The following FAM114A1 variants were observed in gnomAD, a reference collection of about 807,000 sequenced individuals.
FAM114A1 encodes the protein family with sequence similarity 114 member A1, also known as protein NOXP20.
FAM114A1 carries 62 observed loss-of-function variants against 64.3 expected under a neutral mutation model. That is an observed-to-expected ratio of 0.96 (90% CI 0.79 to 1.19). The LOEUF (loss-of-function observed/expected upper bound fraction) is 1.19, where lower values mean the gene tolerates loss of function less well. Ranked by LOEUF, FAM114A1 falls within the 50% of genes most tolerant of loss-of-function variation. The pLI is 0.00. For synonymous variants in FAM114A1, 254 were observed against 251.1 expected, an observed-to-expected ratio of 1.01 and a Z score of -0.11; for missense variants, 645 against 676.3, an observed-to-expected ratio of 0.95 and a Z score of 0.51.
intron 9 of FAM114A1, among the ~76,000 whole-genome samples, chr4:38,927,360 G>T (rs1720218665): frequency 6.6e-6 from 1 of 152,198 alleles, no homozygotes; most frequent in Non-Finnish European, 1.5e-5. Flanking sequence ...GAGGTCTCCT[G>T]ATCTCTGGTT....
chr4:38,876,766 A>G (rs59944943), intron 2 of FAM114A1, among the ~76,000 whole-genome samples: 41,752 of 152,098 alleles, frequency 0.27, 6,106 homozygotes, highest in African/African-American at 0.31. Flanking sequence ...TGGCAGCCTG[A>G]TTCCTTCTAG....
At chr4:38,939,174 A>G (rs1721372941) in intron 13 of FAM114A1, among the ~76,000 whole-genome samples, 1 of 152,170 alleles carries the variant, frequency 6.6e-6, no homozygotes, top group South Asian at 2.1e-4. Flanking sequence ...ACTTTCATAT[A>G]TATTTATATG....
At chr4:38,890,401 C>CAAAA (rs3067630) in intron 3 of FAM114A1, among the ~76,000 whole-genome samples, 85 of 127,512 alleles carry the variant, frequency 6.7e-4, no homozygotes, top group African/African-American at 2.5e-3. Flanking sequence ...GACTCCGTCT[C>CAAAA]AAAAAAAAAA....
chr4:38,936,548 ATTTTTTTTTTTT>A (rs761417840), intron 13 of FAM114A1, among the ~76,000 whole-genome samples: 1 of 110,292 alleles, frequency 9.1e-6, no homozygotes, highest in African/African-American at 3.6e-5. Flanking sequence ...AAGAGTTTTC[ATTTTTTTTTTTT>A]TTTTTTTTTT....
intron 2 of FAM114A1, among the ~76,000 whole-genome samples, 152 bp from the exon 3 acceptor site, chr4:38,877,919 A>G (rs142895065): frequency 0.27 from 40,809 of 150,130 alleles, 5,909 homozygotes; most frequent in African/African-American, 0.31. Flanking sequence ...AGCTGAGATC[A>G]TGCCATTGCA....
At chr4:38,932,214 G>T in intron 11 of FAM114A1, 21 bp from the exon 12 acceptor site, 1 of 1,574,792 alleles carries the variant, frequency 6.4e-7, no homozygotes, top group Non-Finnish European at 8.6e-7. Context: ...AAAATTTCTT[G>T]CTTGTGTCTA....
At position 38,934,798 on chromosome 4, in the gene FAM114A1, A is replaced by G. The variant is rs1215825571; in HGVS notation, c.1464-920A>G. Among the ~76,000 whole-genome samples, 4 of 152,226 alleles carry G rather than the reference A, an allele frequency of 2.6e-5. No homozygotes were observed. In the East Asian group the frequency reaches 7.7e-4, roughly 29 times the overall value. ...TATCAGTATTAAAAACACATTCTAC[A>G]TATTCTACAGGATCTTTATTTTGAA... On this transcript the variant is annotated intron_variant, in intron 12 of 14. Coordinates refer to ENST00000358869, the MANE Select transcript of FAM114A1 (RefSeq NM_138389.4).
At chr4:38,875,563 C>A (rs1714531536) in intron 2 of FAM114A1, among the ~76,000 whole-genome samples, 1 of 152,028 alleles carries the variant, frequency 6.6e-6, no homozygotes, top group African/African-American at 2.4e-5. Flanking sequence ...GATCTAGGAG[C>A]CTTTGGGCAG....
chr4:38,882,386 T>C (rs1281058083), intron 3 of FAM114A1, among the ~76,000 whole-genome samples: 9 of 151,114 alleles, frequency 6.0e-5, no homozygotes, highest in Non-Finnish European at 8.8e-5. Flanking sequence ...TCCCAGCACT[T>C]TGGGAGGCCG....
At chr4:38,937,039 G>T (rs138783648) in intron 13 of FAM114A1, among the ~76,000 whole-genome samples, 1 of 152,158 alleles carries the variant, frequency 6.6e-6, no homozygotes, top group Non-Finnish European at 1.5e-5. Flanking sequence ...CTTAGTAGGC[G>T]CAGAGAAAAG....
At chr4:38,871,086 C>CTTTTT (rs9306968) in intron 2 of FAM114A1, among the ~76,000 whole-genome samples, 86 of 93,988 alleles carry the variant, frequency 9.2e-4, no homozygotes, top group Non-Finnish European at 1.3e-3. Flanking sequence ...TTTTTTCTTT[C>CTTTTT]TTTTTTTTTT....
intron 2 of FAM114A1, among the ~76,000 whole-genome samples, chr4:38,871,656 A>AT (rs977287802): frequency 1.3e-5 from 2 of 152,098 alleles, no homozygotes; most frequent in African/African-American, 2.4e-5. Flanking sequence ...TACATTTGGG[A>AT]TAAACTGACC....
intron 2 of FAM114A1, among the ~76,000 whole-genome samples, chr4:38,868,971 C>A (rs909100481): frequency 6.6e-6 from 1 of 152,202 alleles, no homozygotes; most frequent in Non-Finnish European, 1.5e-5. Context: ...TGAGACAGTG[C>A]AGAAGGAATT....
At chr4:38,920,946 T>C (rs10033036) in intron 8 of FAM114A1, among the ~76,000 whole-genome samples, 73,650 of 152,150 alleles carry the variant, frequency 0.48, 19,900 homozygotes, top group African/African-American at 0.73. Flanking sequence ...AGAGCCTCAG[T>C]GCTGGCTGCA....
intron 4 of FAM114A1, among the ~76,000 whole-genome samples, chr4:38,901,585 C>T (rs1042204998): frequency 3.3e-5 from 5 of 152,316 alleles, no homozygotes; most frequent in Admixed American, 3.3e-4. Context: ...AGCCACCATG[C>T]CCGGTCCATC....
At chr4:38,934,389 C>A (rs1281590107) in intron 12 of FAM114A1, among the ~76,000 whole-genome samples, 1 of 152,000 alleles carries the variant, frequency 6.6e-6, no homozygotes, top group African/African-American at 2.4e-5. Flanking sequence ...TTTCTGCAGA[C>A]AATTTTTGGA....
At position 38,935,784 on chromosome 4, in the gene FAM114A1, T is replaced by C. The variant is rs200908766; in HGVS notation, c.1530T>C (p.Thr510=). 867 of 1,609,006 alleles carry C rather than the reference T, an allele frequency of 5.4e-4. 8 individuals carry two copies. The South Asian group carries it at 7.2e-3, about 13-fold the overall frequency. ...AGAAGTTTACGAATTCTTTAACCAC[T>C]GTTGGGGTAAGATTACAGTCTTGAA... The part of the protein sequence containing the change: ...LSKKFTNSLT[T]VGSNKKAEVL... Residue 510 remains threonine (T), a synonymous_variant, in exon 13 of 15, where the codon ACT becomes ACC. Coordinates refer to ENST00000358869, the MANE Select transcript of FAM114A1 (RefSeq NM_138389.4).
intron 11 of FAM114A1, among the ~76,000 whole-genome samples, chr4:38,931,937 G>C (rs1720675164): frequency 6.6e-6 from 1 of 152,180 alleles, no homozygotes; most frequent in East Asian, 1.9e-4. Context: ...ATTGAGCTCT[G>C]TTCATTCAGC....
chr4:38,887,802 A>G (rs1378423567), intron 3 of FAM114A1, among the ~76,000 whole-genome samples: 1 of 152,218 alleles, frequency 6.6e-6, no homozygotes, highest in Admixed American at 6.5e-5. Flanking sequence ...GCCATTTTCA[A>G]TCAGATATTT....
Sources: allele counts gnomAD v4.1 joint callset (sites outside exome capture counted in the v4.1 genomes callset), GRCh38; gene constraint gnomAD v4.1.1; transcripts MANE v1.5; gene names NCBI Gene and HGNC (gene_info 2026-07-23, HGNC 2026-07-21).